Variants in NFIA observed in about 807,000 individuals in gnomAD.
NFIA encodes the protein nuclear factor I A.
NFIA carries 8 observed loss-of-function variants against 62.8 expected under a neutral mutation model. That is an observed-to-expected ratio of 0.13 (90% CI 0.07 to 0.23). The LOEUF is 0.23. Ranked by LOEUF, NFIA falls within the 10% of genes least tolerant of loss-of-function variation. NFIA has a pLI of 1.00. For missense variants in NFIA, 410 were observed against 642.1 expected (o/e 0.64, Z 3.91); for synonymous variants, 235 against 238.1 (o/e 0.99, Z 0.12).
intron 2 of NFIA, among the ~76,000 whole-genome samples, chr1:61,239,286 T>C (rs1036276789): frequency 1.4e-4 from 21 of 152,334 alleles, no homozygotes; most frequent in African/African-American, 5.1e-4. Flanking sequence ...ATGCAGATTT[T>C]GGTTTCTTTG....
At chr1:61,406,076 C>G (rs1277536837) in intron 8 of NFIA, among the ~76,000 whole-genome samples, 3 of 151,992 alleles carry the variant, frequency 2.0e-5, no homozygotes, top group Admixed American at 2.0e-4. Context: ...TTTTTTATCT[C>G]AAGTGCATAT....
intron 2 of NFIA, among the ~76,000 whole-genome samples, chr1:61,270,409 T>G (rs911121825): frequency 3.4e-5 from 5 of 147,214 alleles, no homozygotes; most frequent in African/African-American, 9.7e-5. Flanking sequence ...TGCAAGAAAA[T>G]TAGTACTTTA....
chr1:61,353,393 C>T (rs774393265), intron 5 of NFIA, among the ~76,000 whole-genome samples: 15 of 152,130 alleles, frequency 9.9e-5, no homozygotes, highest in Middle Eastern at 3.2e-3. Flanking sequence ...TTTGCAAGAT[C>T]GTGTTGTCTC....
At position 61,421,079 on chromosome 1, in the gene NFIA, A is replaced by G. The variant is rs142988493; in HGVS notation, c.1421-5386A>G. On this transcript the variant is annotated intron_variant, in intron 9 of 10. Transcript: ENST00000403491. The stretch of plus-strand genomic sequence containing the variant: ...TCCACTGGAACCTGTCAACCAACAC[A>G]TCTTTCACAGCCCATCCCAGAGGCC... Among the ~76,000 whole-genome samples, 1,349 of 152,186 alleles carry G rather than the reference A, an allele frequency of 8.9e-3. 25 individuals are homozygous for G. The highest frequency in any genetic ancestry group is 0.031 in the African/African-American group (1,285 of 41,524).
chr1:61,120,355 A>G (rs1646868408), intron 2 of NFIA, among the ~76,000 whole-genome samples: 1 of 152,240 alleles, frequency 6.6e-6, no homozygotes, highest in Non-Finnish European at 1.5e-5. Flanking sequence ...AGAATGTAGA[A>G]GAAACACATT....
upstream of NFIA, among the ~76,000 whole-genome samples, chr1:61,079,044 C>G (rs1356526077): frequency 1.3e-5 from 2 of 152,224 alleles, no homozygotes; most frequent in Non-Finnish European, 2.9e-5. Context: ...TCCCATCGAG[C>G]TATTTCCCAA....
chr1:61,212,715 T>C (rs1191204710), intron 2 of NFIA, among the ~76,000 whole-genome samples: 3 of 152,190 alleles, frequency 2.0e-5, no homozygotes, highest in Non-Finnish European at 4.4e-5. Flanking sequence ...TGGGACTGTA[T>C]CTTCAGGCAC....
Position 61,323,842 on chromosome 1 carries a change from A to G in NFIA, c.626-8670A>G, listed in dbSNP as rs146229204. Among the ~76,000 whole-genome samples, 1,168 of 152,322 alleles carry G rather than the reference A, an allele frequency of 7.7e-3. 6 individuals are homozygous for G. Among genetic ancestry groups the G allele is most frequent in the Middle Eastern group, 0.044 (13 of 294 alleles). Reference sequence around the variant, plus strand: ...CTAAATAAATATTTATTACACACCTAGAATAAAGGCTTATGCTGGGCCCTG... The same window carrying G: ...CTAAATAAATATTTATTACACACCTGGAATAAAGGCTTATGCTGGGCCCTG... On this transcript the variant is annotated intron_variant, in intron 3 of 10. Transcript: ENST00000403491.
At chr1:61,196,666 G>T (rs953137399) in intron 2 of NFIA, among the ~76,000 whole-genome samples, 10 of 151,902 alleles carry the variant, frequency 6.6e-5, no homozygotes, top group Non-Finnish European at 1.0e-4. Context: ...ACTAGTTAAT[G>T]GGCTTACAAC....
At chr1:61,128,726 A>C (rs1647018888) in intron 2 of NFIA, among the ~76,000 whole-genome samples, 1 of 152,130 alleles carries the variant, frequency 6.6e-6, no homozygotes, top group South Asian at 2.1e-4. Flanking sequence ...ATGGACATTC[A>C]TGGACATGAA....
chr1:61,414,183 A>G (rs549962035), intron 9 of NFIA, among the ~76,000 whole-genome samples: 95 of 151,986 alleles, frequency 6.3e-4, no homozygotes, highest in Non-Finnish European at 1.2e-3. Context: ...GGGTTTCGTC[A>G]TGTTGGCCAG....
intron 7 of NFIA, among the ~76,000 whole-genome samples, chr1:61,393,276 T>A: frequency 1.1e-5 from 1 of 90,746 alleles, no homozygotes; most frequent in Non-Finnish European, 1.9e-5. Flanking sequence ...TCTCTCTCTC[T>A]CTCTCTCTCT....
intron 9 of NFIA, among the ~76,000 whole-genome samples, chr1:61,421,939 A>G (rs543821398): frequency 2.0e-5 from 3 of 152,258 alleles, no homozygotes; most frequent in East Asian, 1.9e-4. Flanking sequence ...AGATTTGGGG[A>G]ATTTTATTAA....
rs970797945 is a variant in NFIA at position 61,126,850 on chromosome 1, T to A, written c.559+38170T>A. Among the ~76,000 whole-genome samples the A allele has an allele frequency of 7.4e-5, 11 of 148,940 alleles. No individual in the cohort carries two copies. The South Asian group carries it at 2.4e-3, about 33-fold the overall frequency. Reference sequence around the variant, plus strand: ...CCCAGGCTGGAGTGCAGTGGTGTGATCTTGGCTCACTGCAACCTCCACCTC... The same window carrying A: ...CCCAGGCTGGAGTGCAGTGGTGTGAACTTGGCTCACTGCAACCTCCACCTC... On this transcript the variant is annotated intron_variant, in intron 2 of 10. Coordinates refer to ENST00000403491, the MANE Select transcript of NFIA (RefSeq NM_001134673.4).
At chr1:61,370,117 A>G (rs571549023) in intron 6 of NFIA, among the ~76,000 whole-genome samples, 3 of 152,340 alleles carry the variant, frequency 2.0e-5, no homozygotes, top group South Asian at 2.1e-4. Flanking sequence ...TAGTGTGTGC[A>G]GCACGCTGCT....
chr1:61,415,637 G>A (rs1666315236), intron 9 of NFIA, among the ~76,000 whole-genome samples: 1 of 152,112 alleles, frequency 6.6e-6, no homozygotes, highest in African/African-American at 2.4e-5. Flanking sequence ...ATCAAAAGGT[G>A]TCTTAACACA....
chr1:61,343,784 G>C (rs1427576294), intron 4 of NFIA, among the ~76,000 whole-genome samples: 2 of 152,208 alleles, frequency 1.3e-5, no homozygotes, highest in Non-Finnish European at 2.9e-5. Flanking sequence ...AAGCTGCAGA[G>C]AAAGTACCTT....
chr1:61,322,679 G>C (rs976075643), intron 3 of NFIA, among the ~76,000 whole-genome samples: 2 of 149,736 alleles, frequency 1.3e-5, no homozygotes, highest in Admixed American at 6.7e-5. Flanking sequence ...ACAAACAGCA[G>C]ACTCATCACA....
At position 61,437,639 on chromosome 1, in the gene NFIA, C is replaced by T. The variant is rs114444679; in HGVS notation, c.1512+11083C>T. 4.7e-3 allele frequency among the ~76,000 whole-genome samples: 713 copies of T among 152,146 alleles called. 7 individuals carry two copies. Among genetic ancestry groups the T allele is most frequent in the African/African-American group, 0.016 (651 of 41,494 alleles). On this transcript the variant is annotated intron_variant, in intron 10 of 10. Coordinates refer to ENST00000403491, the MANE Select transcript of NFIA (RefSeq NM_001134673.4). ...AAAAGTAAATAAACTAAGATGTGATCGATGAAGTAATTGAAATAGGTATAA... is the reference window on the plus strand; with the variant it reads ...AAAAGTAAATAAACTAAGATGTGATTGATGAAGTAATTGAAATAGGTATAA...
Sources: allele counts gnomAD v4.1 joint callset (sites outside exome capture counted in the v4.1 genomes callset), GRCh38; gene constraint gnomAD v4.1.1; transcripts MANE v1.5; gene names NCBI Gene and HGNC (gene_info 2026-07-23, HGNC 2026-07-21).